FRMD4B: variants seen among roughly 807,000 people sequenced by gnomAD.
FRMD4B encodes FERM domain containing 4B.
FRMD4B carries 74 observed loss-of-function variants against 141.5 expected under a neutral mutation model. The observed-to-expected ratio is 0.52, with a 90% CI of 0.43 to 0.63. The LOEUF (loss-of-function observed/expected upper bound fraction) is 0.63. Among genes scored for constraint, FRMD4B ranks in the 30% least tolerant of loss-of-function variants. The probability of loss-of-function intolerance (pLI) is 0.00; values close to 1 mark genes in which losing one functional copy is unlikely to be tolerated. For missense variants in FRMD4B, 1,366 were observed against 1,253.4 expected, an observed-to-expected ratio of 1.09 and a Z score of -1.36; for synonymous variants, 506 against 467.9, an observed-to-expected ratio of 1.08 and a Z score of -1.05.
chr3:69,488,698 C>T (rs1466172711), intron 1 of FRMD4B, among the ~76,000 whole-genome samples: 2 of 151,602 alleles, frequency 1.3e-5, no homozygotes, highest in African/African-American at 2.4e-5. Context: ...GTCAGGAGTT[C>T]GAGACCAGCC....
At chr3:69,193,057 G>A (rs1230594996) in intron 17 of FRMD4B, among the ~76,000 whole-genome samples, 1 of 151,892 alleles carries the variant, frequency 6.6e-6, no homozygotes, top group Non-Finnish European at 1.5e-5. Flanking sequence ...CTTAGCTCAA[G>A]TGATCCGCTC....
exon 1 of FRMD4B, chr3:69,542,384 A>C (rs1448766238): frequency 6.6e-6 from 1 of 152,650 alleles, no homozygotes; most frequent in Non-Finnish European, 1.5e-5. Flanking sequence ...TCTCTGTCCA[A>C]GCTCCAGCTC....
chr3:69,421,564 C>G (rs1704979112), intron 2 of FRMD4B, among the ~76,000 whole-genome samples: 1 of 152,220 alleles, frequency 6.6e-6, no homozygotes, highest in Admixed American at 6.5e-5. Flanking sequence ...GGCAACAAAT[C>G]AAGCCTGCAG....
rs115442640 is a variant in FRMD4B at position 69,517,257 on chromosome 3, G to C, written c.-129+24949C>G. Among the ~76,000 whole-genome samples the C allele has an allele frequency of 4.4e-4, 67 of 152,176 alleles. 2 individuals carry two copies. Among genetic ancestry groups the C allele is most frequent in the African/African-American group, 1.3e-3 (55 of 41,544 alleles). The stretch of plus-strand genomic sequence containing the variant: ...CAGAATCTGTAAATGCATATTTCTT[G>C]TTTTTTCAATAATATGCAATATGTA... On this transcript the variant is annotated intron_variant, in intron 1 of 5. Transcript: ENST00000459638.
chr3:69,345,282 C>G (rs1166025702), intron 1 of FRMD4B, among the ~76,000 whole-genome samples: 1 of 152,146 alleles, frequency 6.6e-6, no homozygotes, highest in African/African-American at 2.4e-5. Context: ...GGCAGTGAGG[C>G]TGGGGTAGGG....
chr3:69,483,669 T>G (rs7652880), intron 1 of FRMD4B, among the ~76,000 whole-genome samples: 126 of 152,168 alleles, frequency 8.3e-4, no homozygotes, highest in African/African-American at 2.8e-3. Context: ...ACCTGGAAAC[T>G]GCTGGTGGAA....
At chr3:69,357,709 C>T (rs1448661551) in intron 1 of FRMD4B, among the ~76,000 whole-genome samples, 1 of 152,174 alleles carries the variant, frequency 6.6e-6, no homozygotes, top group Non-Finnish European at 1.5e-5. Context: ...CCAGACGCAC[C>T]ATAAAATCAC....
intron 12 of FRMD4B, among the ~76,000 whole-genome samples, chr3:69,197,513 C>T (rs1439764070): frequency 1.4e-5 from 2 of 146,016 alleles, no homozygotes; most frequent in Non-Finnish European, 3.0e-5. Context: ...TGAAAATATG[C>T]AAGTCCAAAA....
At chr3:69,307,707 T>TA (rs1470700141) in intron 3 of FRMD4B, among the ~76,000 whole-genome samples, 3 of 152,132 alleles carry the variant, frequency 2.0e-5, no homozygotes, top group Non-Finnish European at 4.4e-5. Context: ...CTGTCTGGTT[T>TA]ATATTCAACT....
At chr3:69,322,198 C>T (rs1275232566) in intron 1 of FRMD4B, among the ~76,000 whole-genome samples, 13 of 152,122 alleles carry the variant, frequency 8.5e-5, no homozygotes, top group Non-Finnish European at 1.5e-5. Context: ...GTATCTAGGA[C>T]GTTCTTACTT....
intron 5 of FRMD4B, among the ~76,000 whole-genome samples, chr3:69,287,038 C>T (rs1361469882): frequency 6.6e-6 from 1 of 152,120 alleles, no homozygotes; most frequent in Non-Finnish European, 1.5e-5. Context: ...CTACTGACCT[C>T]GTGATCCACC....
At chr3:69,522,808 G>A (rs1700871737) in intron 1 of FRMD4B, among the ~76,000 whole-genome samples, 1 of 152,138 alleles carries the variant, frequency 6.6e-6, no homozygotes, top group Non-Finnish European at 1.5e-5. Context: ...AAGGGAGCCT[G>A]GCAAATGTTG....
chr3:69,489,516 C>T (rs1706270454), intron 1 of FRMD4B, among the ~76,000 whole-genome samples: 1 of 149,430 alleles, frequency 6.7e-6, no homozygotes, highest in Non-Finnish European at 1.5e-5. Context: ...TAGGGAAATG[C>T]AAATCAAAAC....
At chr3:69,386,250 C>T (rs1459420141), upstream of FRMD4B, 2 of 360,880 alleles carry the variant, frequency 5.5e-6, no homozygotes, top group Non-Finnish European at 5.0e-6. Context: ...GCCGAGCAAG[C>T]TGTGCTAAGC....
chr3:69,442,741 C>T (rs1471816010), intron 1 of FRMD4B, among the ~76,000 whole-genome samples: 1 of 152,116 alleles, frequency 6.6e-6, no homozygotes, highest in Non-Finnish European at 1.5e-5. Context: ...ATCCATGTGC[C>T]TCCACTGAAG....
intron 1 of FRMD4B, among the ~76,000 whole-genome samples, chr3:69,518,027 G>A (rs1329435475): frequency 1.3e-5 from 2 of 152,106 alleles, no homozygotes; most frequent in Non-Finnish European, 2.9e-5. Flanking sequence ...TGGTTTAGAC[G>A]TCATACTTTG....
chr3:69,228,458 AGAG>A, intron 7 of FRMD4B: 1 of 456,724 alleles, frequency 2.2e-6, no homozygotes, highest in East Asian at 7.0e-5. Flanking sequence ...AACTCTGAAG[AGAG>A]GAGAACATTG....
At chr3:69,503,928 A>C (rs777892648) in intron 1 of FRMD4B, among the ~76,000 whole-genome samples, 1 of 152,220 alleles carries the variant, frequency 6.6e-6, no homozygotes, top group African/African-American at 2.4e-5. Context: ...CACTACATCC[A>C]GTCAAACACT....
At chr3:69,184,520 G>T (rs1009221586) in intron 19 of FRMD4B, among the ~76,000 whole-genome samples, 15 of 152,198 alleles carry the variant, frequency 9.9e-5, no homozygotes, top group African/African-American at 3.6e-4. Flanking sequence ...CAATTTGCCA[G>T]TAGTGTAAGC....
Sources: gnomAD v4.1 joint callset for allele counts (sites outside exome capture counted in the v4.1 genomes callset) on GRCh38, gnomAD v4.1.1 for gene constraint, MANE v1.5 for transcripts, NCBI Gene and HGNC (gene_info 2026-07-23, HGNC 2026-07-21) for gene names.